The following CAST variants were observed in gnomAD, a reference collection of about 807,000 sequenced individuals.
CAST encodes calpastatin, also known as MIR583 host.
A neutral mutation model predicts 119.6 loss-of-function variants in CAST; 76 were observed. The ratio of observed to expected loss-of-function variants is 0.64; its 90% CI spans 0.53 to 0.77. The LOEUF is 0.77. CAST is among the 30% of genes least tolerant of loss of function. The pLI, the probability that CAST is intolerant of heterozygous loss-of-function variation, is 0.00. For missense variants in CAST, 953 were observed against 946.5 expected (o/e 1.01, Z -0.09); for synonymous variants, 319 against 331.6 (o/e 0.96, Z 0.41).
the CAST span, among the ~76,000 whole-genome samples, chr5:96,273,078 C>T: frequency 6.6e-6 from 1 of 152,116 alleles, no homozygotes; most frequent in Non-Finnish European, 1.5e-5. Context: ...AAATGTCAGC[C>T]CTAATGCTAA....
chr5:96,574,965 T>A (rs1451635683), intron 1 of CAST, among the ~76,000 whole-genome samples: 1 of 152,100 alleles, frequency 6.6e-6, no homozygotes, highest in Non-Finnish European at 1.5e-5. Context: ...ATTAATTAAT[T>A]AATAGTGAAA....
At chr5:96,427,856 C>T in the CAST span, among the ~76,000 whole-genome samples, 1 of 152,154 alleles carries the variant, frequency 6.6e-6, no homozygotes, top group Admixed American at 6.5e-5. Context: ...AGAAGTTATT[C>T]TGCTTTTCAG....
At chr5:96,360,904 T>A in the CAST span, among the ~76,000 whole-genome samples, 3 of 152,202 alleles carry the variant, frequency 2.0e-5, no homozygotes, top group East Asian at 1.9e-4. Context: ...CAGGCAGGAA[T>A]GTTTAAGTCT....
At chr5:96,178,451 T>G in the CAST span, among the ~76,000 whole-genome samples, 1 of 152,234 alleles carries the variant, frequency 6.6e-6, no homozygotes, top group Non-Finnish European at 1.5e-5. Flanking sequence ...TCTTTATTTA[T>G]TTTAAAAAAT....
At chr5:95,983,872 G>T in the CAST span, among the ~76,000 whole-genome samples, 1 of 152,102 alleles carries the variant, frequency 6.6e-6, no homozygotes, top group Non-Finnish European at 1.5e-5. Flanking sequence ...TTAATTTACA[G>T]CATACACCAA....
chr5:96,583,894 A>AG (rs1404659596), intron 1 of CAST, among the ~76,000 whole-genome samples: 1 of 152,190 alleles, frequency 6.6e-6, no homozygotes, highest in African/African-American at 2.4e-5. Context: ...GTAGTGGTAG[A>AG]GGGGGTAGAC....
the CAST span, among the ~76,000 whole-genome samples, chr5:96,186,612 GTTT>G: frequency 4.6e-5 from 7 of 152,250 alleles, no homozygotes; most frequent in African/African-American, 1.7e-4. Flanking sequence ...TAATTATGTG[GTTT>G]TTGACTTCAG....
At chr5:96,196,611 A>G in the CAST span, among the ~76,000 whole-genome samples, 3 of 152,220 alleles carry the variant, frequency 2.0e-5, no homozygotes, top group Admixed American at 1.3e-4. Flanking sequence ...AGGAAGAAAT[A>G]GCCAGTGCAA....
At chr5:96,301,667 G>T in the CAST span, among the ~76,000 whole-genome samples, 3 of 152,148 alleles carry the variant, frequency 2.0e-5, no homozygotes, top group East Asian at 1.9e-4. Flanking sequence ...TCCAAGCAGG[G>T]CAGTCATTAA....
chr5:96,622,243 C>T (rs142343907), intron 1 of CAST, among the ~76,000 whole-genome samples: 11 of 152,184 alleles, frequency 7.2e-5, no homozygotes, highest in African/African-American at 2.2e-4. Flanking sequence ...GCTGGTATTA[C>T]AGGTGTGAGC....
At chr5:96,024,613 C>T in the CAST span, among the ~76,000 whole-genome samples, 1 of 151,930 alleles carries the variant, frequency 6.6e-6, no homozygotes, top group Non-Finnish European at 1.5e-5. Flanking sequence ...TTTACAGCTA[C>T]AAGCAAGATA....
the CAST span, chr5:96,110,785 A>C: frequency 6.6e-6 from 1 of 152,222 alleles, no homozygotes; most frequent in South Asian, 2.1e-4. Context: ...GTCAGCTTTC[A>C]CTTAGCAGCT....
At chr5:96,079,384 C>G in the CAST span, among the ~76,000 whole-genome samples, 1 of 152,142 alleles carries the variant, frequency 6.6e-6, no homozygotes, top group Non-Finnish European at 1.5e-5. Context: ...AAAGAGCTCT[C>G]TTATAGGTAA....
the CAST span, among the ~76,000 whole-genome samples, chr5:96,373,566 A>AT: frequency 6.6e-6 from 1 of 152,188 alleles, no homozygotes; most frequent in African/African-American, 2.4e-5. Flanking sequence ...TCCTGGATGC[A>AT]TTGCAGCCCT....
intron 6 of CAST, chr5:96,728,510 T>C (rs1759727609): frequency 6.6e-6 from 1 of 151,330 alleles, no homozygotes; most frequent in Non-Finnish European, 1.5e-5. Flanking sequence ...GGAGTCTCGC[T>C]CTGTCGCCCA....
At chr5:96,099,138 G>A in the CAST span, among the ~76,000 whole-genome samples, 7 of 152,242 alleles carry the variant, frequency 4.6e-5, no homozygotes, top group South Asian at 1.5e-3. Context: ...TGTTGTTGGT[G>A]TATAGGAGTG....
intron 25 of CAST, 48 bp downstream of exon 25, chr5:96,762,420 A>G (rs772104374): frequency 1.2e-5 from 17 of 1,363,618 alleles, no homozygotes; most frequent in Middle Eastern, 3.7e-4. Flanking sequence ...GCGCAGCCAC[A>G]ACTAGAAAGA....
At chr5:95,998,789 A>G in the CAST span, among the ~76,000 whole-genome samples, 2 of 152,200 alleles carry the variant, frequency 1.3e-5, no homozygotes, top group Non-Finnish European at 2.9e-5. Context: ...GTTGGATCAA[A>G]TGGTAGTTCT....
chr5:96,314,594 A>C, the CAST span, among the ~76,000 whole-genome samples: 1 of 152,206 alleles, frequency 6.6e-6, no homozygotes, highest in Non-Finnish European at 1.5e-5. Flanking sequence ...TTTTCTGCTG[A>C]GAATGACTTT....
Sources: allele counts gnomAD v4.1 joint callset (sites outside exome capture counted in the v4.1 genomes callset), GRCh38; gene constraint gnomAD v4.1.1; transcripts MANE v1.5; gene names NCBI Gene and HGNC (gene_info 2026-07-23, HGNC 2026-07-21).